ZCCHC8: variants seen among roughly 807,000 people sequenced by gnomAD.
ZCCHC8 encodes the protein zinc finger CCHC-type containing 8, also known as zinc finger CCHC domain-containing protein 8.
In ZCCHC8, 27 loss-of-function variants were observed where a neutral mutation model predicts 70.6. That is an observed-to-expected ratio of 0.38 (90% CI 0.28 to 0.53). The LOEUF (loss-of-function observed/expected upper bound fraction) is 0.53. Among genes scored for constraint, ZCCHC8 ranks in the 20% least tolerant of loss-of-function variants. The pLI is 0.81. For missense variants in ZCCHC8, 737 were observed against 876.9 expected (o/e 0.84, Z 2.01); for synonymous variants, 293 against 317.4 (o/e 0.92, Z 0.82).
intron 13 of ZCCHC8, among the ~76,000 whole-genome samples, chr12:122,477,112 A>C (rs2137324229): frequency 6.6e-6 from 1 of 151,868 alleles, no homozygotes; most frequent in East Asian, 1.9e-4. Flanking sequence ...AAATAATTTG[A>C]TGTGGGGCTT....
Position 122,489,288 on chromosome 12 carries a change from CAT to C in ZCCHC8, c.501+96_501+97del, listed in dbSNP as rs1281052546. On this transcript the variant is annotated intron_variant, in intron 5 of 13. Transcript: ENST00000633063. Reference sequence around the variant, plus strand: ...AAAAGATGCTGTTATCAAGTGAAGACATATGACTATACTACTTTATCTTTTAA... The same window carrying C: ...AAAAGATGCTGTTATCAAGTGAAGACATGACTATACTACTTTATCTTTTAA... 9.3e-6 allele frequency: 10 copies of C among 1,071,450 alleles called. No individual in the cohort carries two copies. In the East Asian group the frequency reaches 2.0e-4, roughly 22 times the overall value. 66.4% of individuals were successfully genotyped at this position (1,071,450 alleles called of 1,614,324 possible). A position where few individuals can be genotyped will look rare whatever the true frequency, so the allele number is the denominator to read the frequency against.
chr12:122,477,457 T>C (rs1957441402), intron 13 of ZCCHC8, among the ~76,000 whole-genome samples: 1 of 142,620 alleles, frequency 7.0e-6, no homozygotes, highest in African/African-American at 2.5e-5. Context: ...CCCGGCTTAA[T>C]TCATGGTCTT....
chr12:122,496,290 C>A (rs961078061), intron 2 of ZCCHC8, among the ~76,000 whole-genome samples: 2 of 152,008 alleles, frequency 1.3e-5, no homozygotes, highest in Non-Finnish European at 2.9e-5. Context: ...TGTCCTTTTT[C>A]CTTGGTTTTC....
chr12:122,498,998 C>T, intron 1 of ZCCHC8, 129 bp from the exon 2 acceptor site: 1 of 864,950 alleles, frequency 1.2e-6, no homozygotes, highest in Non-Finnish European at 1.8e-6. Context: ...TTGAGGATGA[C>T]ACACTTATTG....
At chr12:122,481,919 C>A (rs1405545805) in intron 9 of ZCCHC8, 26 bp downstream of exon 9, 5 of 1,602,286 alleles carry the variant, frequency 3.1e-6, no homozygotes, top group Non-Finnish European at 4.3e-6. Flanking sequence ...TAAAAATGAC[C>A]TTCTATGGTA....
chr12:122,500,602 C>T lies in ZCCHC8; in HGVS notation c.199+40G>A. 1 of 1,528,764 alleles carries T rather than the reference C, an allele frequency of 6.5e-7. No individual in the cohort carries two copies. Among genetic ancestry groups the T allele is most frequent in the Non-Finnish European group, 8.8e-7 (1 of 1,138,746 alleles). 94.7% of individuals were successfully genotyped at this position (1,528,764 alleles called of 1,614,324 possible). On this transcript the variant is annotated intron_variant, in intron 1 of 13. Transcript: ENST00000633063. This position sits in a 1 kb window ranked among gnomAD's most constrained non-coding sequence, Gnocchi z 4.8. Reference sequence around the variant, plus strand: ...CCCCACGCCTGGCGCTGCCCCGGCCCCACACCCGGGTGACAGGGCCCAGCG... The same window carrying T: ...CCCCACGCCTGGCGCTGCCCCGGCCTCACACCCGGGTGACAGGGCCCAGCG...
In ZCCHC8 at chr12:122,490,075, G is replaced by A. The variant is rs11058380; in HGVS notation, c.423+387C>T. Among the ~76,000 whole-genome samples, 43 of 150,820 alleles carry A rather than the reference G, an allele frequency of 2.9e-4. No homozygotes were observed. In the East Asian group the frequency reaches 5.8e-3, roughly 20 times the overall value. ...AAATGCGTGATCTAATATTCACATA[G>A]TAAAACTTCTCAGATTTCTTTGGGC... On this transcript the variant is annotated intron_variant, in intron 4 of 13. Transcript: ENST00000633063.
At chr12:122,479,155 A>C (rs781540657) in intron 11 of ZCCHC8, among the ~76,000 whole-genome samples, 5 of 152,222 alleles carry the variant, frequency 3.3e-5, no homozygotes, top group Non-Finnish European at 7.3e-5. Flanking sequence ...GGCTCACTGC[A>C]ACCTCCACCT....
Position 122,477,855 on chromosome 12 carries a change from A to G in ZCCHC8, c.1331T>C (p.Met444Thr). The G allele has an allele frequency of 6.2e-7, 1 of 1,612,094 alleles. No homozygotes were observed. ...ESNSAGSPAD[M>T]ELDSDMEVPH... is the part of the protein sequence containing the mutation. ...ATGAAACCTACCTGAATCGAGCTCC[A>G]TGTCGGCGGGAGATCCCGCTGAGTT... The change falls in exon 13 of 14, where the codon ATG (methionine) becomes ACG (threonine). Residue 444 changes from methionine (M) to threonine (T), a missense_variant. By Grantham distance (81) the Met-to-Thr change is moderately conservative (BLOSUM62 -1). Coordinates refer to ENST00000633063, the MANE Select transcript of ZCCHC8 (RefSeq NM_017612.5).
chr12:122,498,332 A>G (rs1448648128), intron 2 of ZCCHC8, among the ~76,000 whole-genome samples: 2 of 151,820 alleles, frequency 1.3e-5, no homozygotes, highest in Non-Finnish European at 2.9e-5. Flanking sequence ...GCGTTTCACC[A>G]CGTTGCCCAG....
In ZCCHC8 at chr12:122,500,514, T is replaced by G; in HGVS notation, c.199+128A>C. On this transcript the variant is annotated intron_variant, in intron 1 of 13. Transcript: ENST00000633063. This position sits in a 1 kb window ranked among gnomAD's most constrained non-coding sequence, Gnocchi z 4.8. Reference sequence around the variant, plus strand: ...TCCGCCGGCGGGTGACAGAAAGCACTTGGAATTCTGGCCCTCCTGGAACTT... The same window carrying G: ...TCCGCCGGCGGGTGACAGAAAGCACGTGGAATTCTGGCCCTCCTGGAACTT... The G allele has an allele frequency of 3.3e-6, 4 of 1,206,442 alleles. No individual in the cohort carries two copies. Among genetic ancestry groups the G allele is most frequent in the Non-Finnish European group, 4.5e-6 (4 of 891,522 alleles). The allele number at this position is 1,206,442 out of a possible 1,614,324, so 74.7% of individuals were successfully genotyped here. A position where few individuals can be genotyped will look rare whatever the true frequency, so the allele number is the denominator to read the frequency against.
chr12:122,489,091 A>T (rs550711592), intron 5 of ZCCHC8, among the ~76,000 whole-genome samples: 1 of 152,188 alleles, frequency 6.6e-6, no homozygotes, highest in Admixed American at 6.5e-5. Context: ...TTAGCCATGT[A>T]TAAGTTCAAC....
At position 122,494,339 on chromosome 12, in the gene ZCCHC8, G is replaced by A. The variant is rs375268363; in HGVS notation, c.243-1550C>T. Among the ~76,000 whole-genome samples the A allele has an allele frequency of 7.9e-5, 12 of 151,968 alleles. No individual in the cohort carries two copies. The East Asian group carries it at 1.9e-3, about 25-fold the overall frequency. ...GAGGCAGAGGCGGGTGGATCACGAGGTCAGGAGTTCGAGACCAGCCTGGCC... is the reference window on the plus strand; with the variant it reads ...GAGGCAGAGGCGGGTGGATCACGAGATCAGGAGTTCGAGACCAGCCTGGCC... On this transcript the variant is annotated intron_variant, in intron 2 of 13. Coordinates refer to ENST00000633063, the MANE Select transcript of ZCCHC8 (RefSeq NM_017612.5).
chr12:122,475,194 A>C (rs1233507891), intron 13 of ZCCHC8, among the ~76,000 whole-genome samples: 1 of 151,722 alleles, frequency 6.6e-6, no homozygotes, highest in Admixed American at 6.6e-5. Flanking sequence ...ATTACAGCGC[A>C]CGCCAACATG....
Position 122,500,910 on chromosome 12 carries a change from G to A in ZCCHC8, c.-70C>T. Reference sequence around the variant, plus strand: ...AGGGCTTGGGGAAGAAGGTTGGAAGGCGGCACCACTCTCTAGAGCTCTGGC... The same window carrying A: ...AGGGCTTGGGGAAGAAGGTTGGAAGACGGCACCACTCTCTAGAGCTCTGGC... On this transcript the variant is annotated 5_prime_UTR_variant, in exon 1 of 14. Coordinates refer to ENST00000633063, the MANE Select transcript of ZCCHC8 (RefSeq NM_017612.5). This position sits in a 1 kb window ranked among gnomAD's most constrained non-coding sequence, Gnocchi z 4.8. 2.7e-6 allele frequency: 4 copies of A among 1,493,304 alleles called. No individual in the cohort carries two copies. Among genetic ancestry groups the A allele is most frequent in the Non-Finnish European group, 3.6e-6 (4 of 1,102,150 alleles). 92.5% of individuals were successfully genotyped at this position (1,493,304 alleles called of 1,614,324 possible).
At chr12:122,496,205 T>C (rs1420390964) in intron 2 of ZCCHC8, among the ~76,000 whole-genome samples, 1 of 152,020 alleles carries the variant, frequency 6.6e-6, no homozygotes, top group Non-Finnish European at 1.5e-5. Context: ...GAGAAACTTC[T>C]GATTATAACA....
intron 2 of ZCCHC8, among the ~76,000 whole-genome samples, chr12:122,498,597 T>C (rs1208696128): frequency 6.6e-6 from 1 of 152,226 alleles, no homozygotes; most frequent in East Asian, 1.9e-4. Context: ...TTCTGGATTT[T>C]GTTTCATCCT....
At chr12:122,488,523 TGAAAAC>T in intron 5 of ZCCHC8, among the ~76,000 whole-genome samples, 1 of 151,444 alleles carries the variant, frequency 6.6e-6, no homozygotes, top group African/African-American at 2.4e-5. Context: ...TACATAAACA[TGAAAAC>T]CAGTTTTCCT....
rs1957322153 is a variant in ZCCHC8 at position 122,471,823 on chromosome 12, T to A, written c.*1674A>T. The A allele has an allele frequency of 6.6e-6, 1 of 152,206 alleles. No individual in the cohort carries two copies. Among genetic ancestry groups the A allele is most frequent in the African/African-American group, 2.4e-5 (1 of 41,452 alleles). 9.4% of individuals were successfully genotyped at this position (152,206 alleles called of 1,614,324 possible). On this transcript the variant is annotated 3_prime_UTR_variant, in exon 14 of 14. Coordinates refer to ENST00000633063, the MANE Select transcript of ZCCHC8 (RefSeq NM_017612.5). ...GAATGTTTCTATTTTGCTCCCCCTG[T>A]TGGCCTGAGAGCAGGATAACACTGC...
Sources: gnomAD v4.1 joint callset for allele counts (sites outside exome capture counted in the v4.1 genomes callset) on GRCh38, gnomAD v4.1.1 for gene constraint, Gnocchi (gnomAD v3.1) non-coding constraint, MANE v1.5 for transcripts, NCBI Gene and HGNC (gene_info 2026-07-23, HGNC 2026-07-21) for gene names.